Variants in SCOC observed in about 807,000 individuals in gnomAD.
The protein encoded by SCOC is short coiled-coil protein.
In SCOC, 7 loss-of-function variants were observed where a neutral mutation model predicts 9.9. That is an observed-to-expected ratio of 0.71 (90% CI 0.40 to 1.33). The LOEUF is 1.33. SCOC is among the 40% of genes most tolerant of loss of function. The pLI, the probability that SCOC is intolerant of heterozygous loss-of-function variation, is 0.01. For missense variants in SCOC, 66 were observed against 89.7 expected, an observed-to-expected ratio of 0.74 and a Z score of 1.07; for synonymous variants, 19 against 28.2, an observed-to-expected ratio of 0.67 and a Z score of 1.03.
intron 1 of SCOC, among the ~76,000 whole-genome samples, chr4:140,287,301 A>G (rs1429547323): frequency 9.5e-6 from 1 of 105,136 alleles, no homozygotes; most frequent in African/African-American, 9.6e-5. Context: ...ATGCACACAT[A>G]GATACCATAC....
At chr4:140,272,589 A>G (rs545734460) in intron 1 of SCOC, among the ~76,000 whole-genome samples, 1 of 152,296 alleles carries the variant, frequency 6.6e-6, no homozygotes, top group South Asian at 2.1e-4. Context: ...GTATTTGTCT[A>G]TTTTGTTCAC....
Position 140,379,575 on chromosome 4 carries a change from A to G in SCOC, c.29A>G (p.Asp10Gly). The G allele has an allele frequency of 6.2e-7, 1 of 1,609,746 alleles. No homozygotes were observed. The highest frequency in any genetic ancestry group is 8.5e-7 in the Non-Finnish European group (1 of 1,176,964). The change falls in exon 3 of 4, where the codon GAT (aspartate) becomes GGT (glycine). Residue 10 changes from aspartate to glycine, a missense_variant. By Grantham distance (94) the Asp-to-Gly change is moderately conservative. Coordinates refer to ENST00000608372, the MANE Select transcript of SCOC (RefSeq NM_001153484.2). ...TTGAACCTTTATATTACAGCAGTTGATGCTGAAAATCAAGTGGAACTGGAG... is the reference window on the plus strand; with the variant it reads ...TTGAACCTTTATATTACAGCAGTTGGTGCTGAAAATCAAGTGGAACTGGAG... MMNADMDAV[D>G]AENQVELEEK...
At chr4:140,299,959 T>C (rs895046234) in intron 1 of SCOC, among the ~76,000 whole-genome samples, 4 of 152,152 alleles carry the variant, frequency 2.6e-5, no homozygotes, top group Admixed American at 6.5e-5. Flanking sequence ...AGCCCACTAA[T>C]GGGGGTAAGA....
At chr4:140,324,473 C>T (rs902717003) in intron 1 of SCOC, among the ~76,000 whole-genome samples, 3 of 151,946 alleles carry the variant, frequency 2.0e-5, no homozygotes, top group Non-Finnish European at 4.4e-5. Context: ...ATATACAAAA[C>T]ACTCCGAGAA....
At chr4:140,285,579 G>T (rs1731242579) in intron 1 of SCOC, among the ~76,000 whole-genome samples, 1 of 152,212 alleles carries the variant, frequency 6.6e-6, no homozygotes. Flanking sequence ...TGTAACTTTT[G>T]TCTTTTGGAT....
intron 1 of SCOC, among the ~76,000 whole-genome samples, chr4:140,299,429 C>CTTT (rs1731750274): frequency 6.6e-6 from 1 of 152,028 alleles, no homozygotes; most frequent in Non-Finnish European, 1.5e-5. Flanking sequence ...TTTCTTTTTT[C>CTTT]AATTTTTTTC....
intron 1 of SCOC, among the ~76,000 whole-genome samples, chr4:140,269,757 T>C (rs2126399834): frequency 6.6e-6 from 1 of 152,244 alleles, no homozygotes; most frequent in Admixed American, 6.5e-5. Context: ...AGGTACCTTT[T>C]TTCTTTTTTT....
intron 1 of SCOC, among the ~76,000 whole-genome samples, chr4:140,304,035 A>G (rs1322428492): frequency 1.3e-5 from 2 of 152,208 alleles, no homozygotes; most frequent in Admixed American, 6.5e-5. Context: ...AGTTCATTGT[A>G]TCATTTGAGA....
chr4:140,373,624 C>A, upstream of SCOC: 4 of 1,551,544 alleles, frequency 2.6e-6, no homozygotes, highest in Non-Finnish European at 3.5e-6. Flanking sequence ...GTTCTGTGGG[C>A]GGAGTGGGCG....
rs144464303 is a variant in SCOC, at chr4:140,276,624, T to G, written c.-19+19214T>G. Among the ~76,000 whole-genome samples, 479 of 151,974 alleles carry G rather than the reference T, an allele frequency of 3.2e-3. 4 individuals carry two copies. The highest frequency in any genetic ancestry group is 0.014 in the Middle Eastern group (4 of 292). On this transcript the variant is annotated intron_variant, in intron 1 of 4. Coordinates refer to the SCOC transcript ENST00000394205. ...GTGTGCGCCACCACACCCAGCTAAT[T>G]TTTTGCATTTTTAGTAGAGACTGGG...
intron 1 of SCOC, among the ~76,000 whole-genome samples, chr4:140,319,077 C>G (rs1016255110): frequency 6.6e-6 from 1 of 152,116 alleles, no homozygotes; most frequent in East Asian, 1.9e-4. Context: ...GCTCAGGCTT[C>G]TGGAAACAAA....
chr4:140,353,043 G>C (rs1204573937), intron 2 of SCOC, among the ~76,000 whole-genome samples: 2 of 152,192 alleles, frequency 1.3e-5, no homozygotes, highest in Non-Finnish European at 2.9e-5. Context: ...GCTCCAGTTG[G>C]ATGGGAGCAG....
intron 2 of SCOC, among the ~76,000 whole-genome samples, chr4:140,354,509 CTTTTTTT>C (rs397878492): frequency 5.3e-4 from 55 of 103,714 alleles, no homozygotes; most frequent in East Asian, 4.4e-3. Context: ...TCTCAAAGAA[CTTTTTTT>C]TTTTTTTTTT....
At chr4:140,321,519 A>C in intron 1 of SCOC, among the ~76,000 whole-genome samples, 1 of 152,188 alleles carries the variant, frequency 6.6e-6, no homozygotes, top group Middle Eastern at 3.2e-3. Flanking sequence ...AAAATGCTAG[A>C]CATCAAAAAC....
chr4:140,296,685 C>A (rs1156438767), intron 1 of SCOC, among the ~76,000 whole-genome samples: 1 of 152,122 alleles, frequency 6.6e-6, no homozygotes, highest in East Asian at 1.9e-4. Context: ...TTCTCGACAT[C>A]CCCTGAAATG....
At chr4:140,257,343 G>A (rs1325669665) in exon 1 of SCOC, 3 of 152,144 alleles carry the variant, frequency 2.0e-5, no homozygotes, top group Non-Finnish European at 4.4e-5. Context: ...TGATAGGAAC[G>A]ATGGCTACAT....
At chr4:140,292,365 A>G (rs1304181661) in intron 1 of SCOC, among the ~76,000 whole-genome samples, 1 of 151,558 alleles carries the variant, frequency 6.6e-6, no homozygotes, top group Non-Finnish European at 1.5e-5. Context: ...ATTTTTGTAT[A>G]TTTAGTAGAG....
At chr4:140,374,749 A>G (rs1243769569) in intron 1 of SCOC, among the ~76,000 whole-genome samples, 1 of 152,306 alleles carries the variant, frequency 6.6e-6, no homozygotes, top group East Asian at 1.9e-4. Flanking sequence ...TTTCCATTGC[A>G]TAATGGAAAA....
chr4:140,353,323 C>A (rs1727057760), intron 2 of SCOC, among the ~76,000 whole-genome samples: 1 of 152,148 alleles, frequency 6.6e-6, no homozygotes, highest in Non-Finnish European at 1.5e-5. Context: ...CCACCAATCA[C>A]AGAATCAAAG....
Sources: allele counts gnomAD v4.1 joint callset (sites outside exome capture counted in the v4.1 genomes callset), GRCh38; gene constraint gnomAD v4.1.1; transcripts MANE v1.5; gene names NCBI Gene and HGNC (gene_info 2026-07-23, HGNC 2026-07-21).